HS6ST3: variants seen among roughly 807,000 people sequenced by gnomAD.
HS6ST3 encodes the protein heparan-sulfate 6-O-sulfotransferase 3.
HS6ST3 carries 12 observed loss-of-function variants against 36.7 expected under a neutral mutation model. The observed-to-expected ratio is 0.33, with a 90% CI of 0.21 to 0.53. The LOEUF is 0.53. Among genes scored for constraint, HS6ST3 ranks in the 20% least tolerant of loss-of-function variants. HS6ST3 has a pLI of 0.95. For missense variants in HS6ST3, 584 were observed against 640.9 expected (o/e 0.91, Z 0.96); for synonymous variants, 240 against 257.5 (o/e 0.93, Z 0.65).
At chr13:96,691,494 A>G (rs141330717) in intron 1 of HS6ST3, among the ~76,000 whole-genome samples, 8 of 152,222 alleles carry the variant, frequency 5.3e-5, no homozygotes, top group African/African-American at 1.9e-4. Flanking sequence ...GTAAGATGGC[A>G]ATATTGGTCC....
intron 1 of HS6ST3, among the ~76,000 whole-genome samples, chr13:96,449,294 C>G (rs921024083): frequency 6.6e-6 from 1 of 152,130 alleles, no homozygotes; most frequent in African/African-American, 2.4e-5. Flanking sequence ...ACCATGCTTA[C>G]TATGAACTCT....
In HS6ST3 at chr13:96,296,094, G is replaced by C. The variant is rs78329751; in HGVS notation, c.707+204525G>C. Among the ~76,000 whole-genome samples, 1,271 of 152,058 alleles carry C rather than the reference G, an allele frequency of 8.4e-3. 40 individuals are homozygous for C. Among genetic ancestry groups the C allele is most frequent in the Admixed American group, 0.046 (696 of 15,256 alleles). ...AAAATTAAAATTCAGTTTTGCATTC[G>C]CACTAGCCACATTTCAAGTGCTCCA... On this transcript the variant is annotated intron_variant, in intron 1 of 1. Coordinates refer to ENST00000376705, the MANE Select transcript of HS6ST3 (RefSeq NM_153456.4).
chr13:96,300,133 T>C (rs2054874804), intron 1 of HS6ST3, among the ~76,000 whole-genome samples: 1 of 145,398 alleles, frequency 6.9e-6, no homozygotes, highest in East Asian at 2.1e-4. Flanking sequence ...CTGGGCTTAC[T>C]GCAACCTCTG....
intron 1 of HS6ST3, among the ~76,000 whole-genome samples, chr13:96,236,169 T>C (rs1272380130): frequency 6.6e-6 from 1 of 152,158 alleles, no homozygotes; most frequent in Non-Finnish European, 1.5e-5. Flanking sequence ...ACGGCTGCTT[T>C]TTCTAGTCAT....
intron 1 of HS6ST3, among the ~76,000 whole-genome samples, chr13:96,619,005 G>GTT (rs371128059): frequency 1.4e-5 from 2 of 143,850 alleles, no homozygotes; most frequent in East Asian, 2.0e-4. Flanking sequence ...GAGGAGTTGG[G>GTT]TTTTTTTTTT....
At chr13:96,454,720 A>G (rs1426406006) in intron 1 of HS6ST3, among the ~76,000 whole-genome samples, 2 of 152,010 alleles carry the variant, frequency 1.3e-5, no homozygotes, top group Non-Finnish European at 2.9e-5. Context: ...GAGTCACTAT[A>G]GACAGTAGAA....
Position 96,832,717 on chromosome 13 carries a change from G to T in HS6ST3, c.935G>T (p.Arg312Leu), listed in dbSNP as rs770895513. 1.9e-6 allele frequency: 3 copies of T among 1,613,900 alleles called. No homozygotes were observed. The highest frequency in any genetic ancestry group is 2.5e-6 in the Non-Finnish European group (3 of 1,179,970). Residue 312 changes from arginine to leucine, a missense_variant, in exon 2 of 2, where the codon CGC (arginine) becomes CTC (leucine). Physicochemically the swap from Arg to Leu is moderately radical, Grantham distance 102. Transcript: ENST00000376705. ...TYNLANNRQV[R>L]MLADLSLVGC... Reference sequence around the variant, plus strand: ...AACCTGGCTAACAATCGCCAGGTGCGCATGCTGGCTGACCTCAGCCTGGTG... The same window carrying T: ...AACCTGGCTAACAATCGCCAGGTGCTCATGCTGGCTGACCTCAGCCTGGTG...
intron 1 of HS6ST3, among the ~76,000 whole-genome samples, chr13:96,532,567 A>T (rs1054572118): frequency 6.6e-6 from 1 of 152,212 alleles, no homozygotes; most frequent in Non-Finnish European, 1.5e-5. Flanking sequence ...AAAATGCTTG[A>T]CCTGAACTTC....
chr13:96,170,574 G>C (rs907051831), intron 1 of HS6ST3, among the ~76,000 whole-genome samples: 9 of 152,314 alleles, frequency 5.9e-5, no homozygotes, highest in Admixed American at 2.6e-4. Flanking sequence ...TGGTGGGAGA[G>C]AGGGTTTTTT....
At chr13:96,706,079 A>T (rs946144370) in intron 1 of HS6ST3, among the ~76,000 whole-genome samples, 1 of 152,144 alleles carries the variant, frequency 6.6e-6, no homozygotes, top group African/African-American at 2.4e-5. Flanking sequence ...CTTGCCACAA[A>T]ACATAATCTT....
At chr13:96,441,802 A>C (rs762165655) in intron 1 of HS6ST3, among the ~76,000 whole-genome samples, 7 of 152,296 alleles carry the variant, frequency 4.6e-5, no homozygotes, top group Admixed American at 1.3e-4. Context: ...AGCTGTGAGA[A>C]TATAGCATAA....
chr13:96,460,971 C>A (rs965752756), intron 1 of HS6ST3, among the ~76,000 whole-genome samples: 2 of 152,228 alleles, frequency 1.3e-5, no homozygotes, highest in African/African-American at 2.4e-5. Flanking sequence ...GAACAACCCA[C>A]TGTAGGCTTT....
intron 1 of HS6ST3, among the ~76,000 whole-genome samples, chr13:96,468,498 A>G (rs2055825359): frequency 6.6e-6 from 1 of 151,830 alleles, no homozygotes; most frequent in African/African-American, 2.4e-5. Context: ...ACACACACAC[A>G]CACACACACA....
intron 1 of HS6ST3, among the ~76,000 whole-genome samples, chr13:96,126,785 C>T (rs537557611): frequency 1.2e-4 from 18 of 152,272 alleles, no homozygotes; most frequent in Admixed American, 9.2e-4. Flanking sequence ...GAGGAAACCA[C>T]GCAAATGTTC....
chr13:96,662,497 TTGTG>T (rs1409228712), intron 1 of HS6ST3, among the ~76,000 whole-genome samples: 1 of 124,680 alleles, frequency 8.0e-6, no homozygotes, highest in African/African-American at 3.1e-5. Context: ...CATATCATGT[TTGTG>T]TGTGTGTGTA....
chr13:96,385,335 A>G (rs9516673), intron 1 of HS6ST3, among the ~76,000 whole-genome samples: 43,724 of 152,124 alleles, frequency 0.29, 7,809 homozygotes, highest in Non-Finnish European at 0.4. Flanking sequence ...GCTATTTCAT[A>G]TCTATAAGAC....
chr13:96,801,197 G>A (rs567647207), intron 1 of HS6ST3, among the ~76,000 whole-genome samples: 1 of 152,058 alleles, frequency 6.6e-6, no homozygotes, highest in African/African-American at 2.4e-5. Context: ...CTCCATCTCT[G>A]TGTCCTTGTT....
At chr13:96,433,042 G>C (rs2055623560) in intron 1 of HS6ST3, among the ~76,000 whole-genome samples, 1 of 152,080 alleles carries the variant, frequency 6.6e-6, no homozygotes, top group Non-Finnish European at 1.5e-5. Flanking sequence ...AATGAAGCTG[G>C]GAATACTAGC....
chr13:96,611,562 A>T (rs2056457313), intron 1 of HS6ST3, among the ~76,000 whole-genome samples: 1 of 152,192 alleles, frequency 6.6e-6, no homozygotes, highest in Non-Finnish European at 1.5e-5. Context: ...ATGTAAAATA[A>T]TTAAGTTAAA....
Sources: gnomAD v4.1 joint callset for allele counts (sites outside exome capture counted in the v4.1 genomes callset) on GRCh38, gnomAD v4.1.1 for gene constraint, MANE v1.5 for transcripts, NCBI Gene and HGNC (gene_info 2026-07-23, HGNC 2026-07-21) for gene names.